The following ME3 variants were observed in gnomAD, a reference collection of about 807,000 sequenced individuals.
ME3 encodes NADP-dependent malic enzyme, mitochondrial.
A neutral mutation model predicts 68.9 loss-of-function variants in ME3; 48 were observed. That is an observed-to-expected ratio of 0.70 (90% CI 0.55 to 0.89). The LOEUF (loss-of-function observed/expected upper bound fraction) is 0.89, where lower values mean the gene tolerates loss of function less well. Among genes scored for constraint, ME3 ranks in the 40% least tolerant of loss-of-function variants. ME3 has a pLI of 0.00. For missense variants in ME3, 675 were observed against 797.4 expected, an observed-to-expected ratio of 0.85 and a Z score of 1.85; for synonymous variants, 320 against 318.8, an observed-to-expected ratio of 1.00 and a Z score of -0.04.
chr11:86,615,366 G>A (rs1414227550), intron 2 of ME3, among the ~76,000 whole-genome samples: 1 of 152,034 alleles, frequency 6.6e-6, no homozygotes, highest in African/African-American at 2.4e-5. Flanking sequence ...AACTTATTTT[G>A]TCCTCCCCCA....
chr11:86,573,864 C>A (rs983599028), intron 2 of ME3, among the ~76,000 whole-genome samples: 2 of 152,052 alleles, frequency 1.3e-5, no homozygotes, highest in Admixed American at 6.6e-5. Context: ...TTATTGAAGG[C>A]CTTTTCTGCA....
intron 4 of ME3, among the ~76,000 whole-genome samples, chr11:86,530,797 T>A (rs1379118523): frequency 6.6e-6 from 1 of 152,220 alleles, no homozygotes; most frequent in Admixed American, 6.5e-5. Flanking sequence ...GCTAGCCATA[T>A]GTAGAAAGCT....
At chr11:86,614,082 T>C (rs1442488112) in intron 2 of ME3, among the ~76,000 whole-genome samples, 2 of 152,198 alleles carry the variant, frequency 1.3e-5, no homozygotes, top group Non-Finnish European at 2.9e-5. Context: ...ACTACAAGGC[T>C]ACAGCAACCA....
intron 2 of ME3, among the ~76,000 whole-genome samples, chr11:86,623,264 C>T (rs1217546137): frequency 6.6e-6 from 1 of 152,150 alleles, no homozygotes; most frequent in Non-Finnish European, 1.5e-5. Context: ...GGACATCCAT[C>T]TTCTCCTGCC....
chr11:86,442,402 TG>T (rs1327450508), intron 14 of ME3, among the ~76,000 whole-genome samples: 1 of 152,316 alleles, frequency 6.6e-6, no homozygotes, highest in African/African-American at 2.4e-5. Context: ...AGGAGGAAAC[TG>T]AGGCTCAGGG....
At chr11:86,486,800 G>T (rs942976885) in intron 7 of ME3, among the ~76,000 whole-genome samples, 1 of 152,218 alleles carries the variant, frequency 6.6e-6, no homozygotes, top group Non-Finnish European at 1.5e-5. Context: ...GCAGGCAAGT[G>T]GGGTGGAAGC....
chr11:86,606,922 T>C (rs767115431), intron 2 of ME3, among the ~76,000 whole-genome samples: 1 of 152,186 alleles, frequency 6.6e-6, no homozygotes, highest in African/African-American at 2.4e-5. Flanking sequence ...TTCAGCAAAT[T>C]CATTCAGGAT....
intron 8 of ME3, 123 bp from the exon 9 acceptor site, chr11:86,450,521 T>G: frequency 1.5e-6 from 1 of 688,928 alleles, no homozygotes; most frequent in Non-Finnish European, 2.5e-6. Context: ...TTAGCCCTTA[T>G]GCCCTGTAGG....
chr11:86,667,155 C>G (rs1946637538), intron 2 of ME3, among the ~76,000 whole-genome samples: 1 of 152,182 alleles, frequency 6.6e-6, no homozygotes, highest in East Asian at 1.9e-4. Context: ...CTCTGAGGCC[C>G]CACTACGTGA....
rs201638333 is a variant in ME3, at chr11:86,498,009, G to A, written c.659C>T (p.Pro220Leu). ...CAGCAGCACAGGGAGGCACTGCTGCGGGTTCACCCCTCCGCATGCCGTGTA... is the reference window on the plus strand; with the variant it reads ...CAGCAGCACAGGGAGGCACTGCTGCAGGTTCACCCCTCCGCATGCCGTGTA... Residue 220 changes from proline to leucine, a missense_variant, in exon 6 of 15, where the codon CCG becomes CTG. Physicochemically the swap from Pro to Leu is moderately conservative, Grantham distance 98. Transcript: ENST00000543262. 77 of 1,612,548 alleles carry A rather than the reference G, an allele frequency of 4.8e-5. No individual in the cohort carries two copies. Among genetic ancestry groups the A allele is most frequent in the Non-Finnish European group, 5.8e-5 (68 of 1,179,176 alleles).
At chr11:86,514,449 C>T (rs1296620542) in intron 4 of ME3, among the ~76,000 whole-genome samples, 1 of 152,130 alleles carries the variant, frequency 6.6e-6, no homozygotes, top group Non-Finnish European at 1.5e-5. Context: ...ACCCTGAGAT[C>T]TCAGACCCAC....
In ME3 at chr11:86,536,072, T is replaced by C. The variant is rs577438595; in HGVS notation, c.467+20481A>G. Among the ~76,000 whole-genome samples, 9 of 152,300 alleles carry C rather than the reference T, an allele frequency of 5.9e-5. No individual in the cohort carries two copies. In the East Asian group the frequency reaches 1.7e-3, roughly 29 times the overall value. On this transcript the variant is annotated intron_variant, in intron 4 of 14. Transcript: ENST00000543262. ...CTAGATTCAGCTATATCTCTATTTGTACAGGTTTGGGGAGTCAGTGAATTT... is the reference window on the plus strand; with the variant it reads ...CTAGATTCAGCTATATCTCTATTTGCACAGGTTTGGGGAGTCAGTGAATTT...
intron 2 of ME3, among the ~76,000 whole-genome samples, chr11:86,640,203 T>C (rs1199651163): frequency 6.6e-6 from 1 of 152,218 alleles, no homozygotes; most frequent in Non-Finnish European, 1.5e-5. Flanking sequence ...GCCAAACTCC[T>C]GCAAGGCCAT....
intron 2 of ME3, among the ~76,000 whole-genome samples, chr11:86,611,784 C>T (rs1380685235): frequency 1.3e-5 from 2 of 152,070 alleles, no homozygotes; most frequent in African/African-American, 4.8e-5. Context: ...CTCTAAACCT[C>T]AGTTTTCTCA....
chr11:86,543,879 T>C (rs1211474585), intron 4 of ME3, among the ~76,000 whole-genome samples: 3 of 152,122 alleles, frequency 2.0e-5, no homozygotes, highest in East Asian at 1.9e-4. Context: ...ATCACACTTA[T>C]TCTAAAATCA....
At chr11:86,608,339 A>C (rs1030300375) in intron 2 of ME3, among the ~76,000 whole-genome samples, 1 of 152,154 alleles carries the variant, frequency 6.6e-6, no homozygotes, top group Non-Finnish European at 1.5e-5. Flanking sequence ...AGGGGCCACT[A>C]TGGGGAGCTG....
Position 86,545,858 on chromosome 11 carries a change from C to T in ME3, c.467+10695G>A, listed in dbSNP as rs576427676. Among the ~76,000 whole-genome samples, 4 of 152,308 alleles carry T rather than the reference C, an allele frequency of 2.6e-5. No individual in the cohort carries two copies. The South Asian group carries it at 8.3e-4, about 32-fold the overall frequency. Reference sequence around the variant, plus strand: ...CAAAAAAGAGCCCATATAGCCAAGACAATCCTAAGCAAAAAGAACAAAGCT... The same window carrying T: ...CAAAAAAGAGCCCATATAGCCAAGATAATCCTAAGCAAAAAGAACAAAGCT... On this transcript the variant is annotated intron_variant, in intron 4 of 14. Transcript: ENST00000543262.
At chr11:86,590,911 A>G (rs1338106790) in intron 2 of ME3, among the ~76,000 whole-genome samples, 1 of 152,234 alleles carries the variant, frequency 6.6e-6, no homozygotes, top group Admixed American at 6.5e-5. Context: ...ACGTGAAGGA[A>G]GAAGATGCTC....
At chr11:86,455,201 G>C (rs1241172180) in intron 8 of ME3, among the ~76,000 whole-genome samples, 4 of 141,870 alleles carry the variant, frequency 2.8e-5, no homozygotes, top group Non-Finnish European at 6.2e-5. Flanking sequence ...GGCCTACAAA[G>C]TGACAGGCAC....
Sources: gnomAD v4.1 joint callset for allele counts (sites outside exome capture counted in the v4.1 genomes callset) on GRCh38, gnomAD v4.1.1 for gene constraint, MANE v1.5 for transcripts, NCBI Gene and HGNC (gene_info 2026-07-23, HGNC 2026-07-21) for gene names.